Variants in GRXCR1 observed in about 807,000 individuals in gnomAD.
GRXCR1 encodes glutaredoxin and cysteine rich domain containing 1.
In GRXCR1, 27 loss-of-function variants were observed where a neutral mutation model predicts 27.3. That is an observed-to-expected ratio of 0.99 (90% CI 0.73 to 1.37). The LOEUF (loss-of-function observed/expected upper bound fraction) is 1.37, where lower values mean the gene tolerates loss of function less well. GRXCR1 is among the 40% of genes most tolerant of loss of function. The probability of loss-of-function intolerance (pLI) is 0.00; values close to 1 mark genes in which losing one functional copy is unlikely to be tolerated. For synonymous variants in GRXCR1, 122 were observed against 131.1 expected, an observed-to-expected ratio of 0.93 and a Z score of 0.47; for missense variants, 379 against 354.4, an observed-to-expected ratio of 1.07 and a Z score of -0.56.
At chr4:43,008,600 A>G (rs1712638395) in intron 2 of GRXCR1, among the ~76,000 whole-genome samples, 2 of 152,230 alleles carry the variant, frequency 1.3e-5, no homozygotes, top group South Asian at 2.1e-4. Flanking sequence ...TTAAGCATTT[A>G]CTATGTTTTA....
At chr4:42,895,658 G>A (rs1746331221) in intron 1 of GRXCR1, among the ~76,000 whole-genome samples, 1 of 151,996 alleles carries the variant, frequency 6.6e-6, no homozygotes. Flanking sequence ...CCTTAAAGTT[G>A]TGCAATACAC....
At chr4:42,944,563 T>C (rs1268085282) in intron 1 of GRXCR1, among the ~76,000 whole-genome samples, 1 of 152,112 alleles carries the variant, frequency 6.6e-6, no homozygotes, top group Non-Finnish European at 1.5e-5. Flanking sequence ...GGCATGGATA[T>C]GTAGGTACGT....
chr4:42,948,086 A>G (rs1747789434), intron 1 of GRXCR1, among the ~76,000 whole-genome samples: 1 of 152,296 alleles, frequency 6.6e-6, no homozygotes, highest in East Asian at 1.9e-4. Context: ...AAAATTATCT[A>G]GATTCCTTTG....
intron 1 of GRXCR1, among the ~76,000 whole-genome samples, chr4:42,937,800 A>G (rs1026619194): frequency 1.3e-5 from 2 of 152,020 alleles, no homozygotes; most frequent in African/African-American, 4.8e-5. Flanking sequence ...TTATGGATAC[A>G]TAGTAGGTAT....
chr4:42,981,045 A>G (rs1748653223), intron 2 of GRXCR1, among the ~76,000 whole-genome samples: 2 of 151,752 alleles, frequency 1.3e-5, no homozygotes, highest in Non-Finnish European at 2.9e-5. Context: ...TTGATAGATA[A>G]TACTACTGCC....
chr4:42,987,268 AT>A lies in GRXCR1; in HGVS notation c.627+24135del, dbSNP rs1345222734. Among the ~76,000 whole-genome samples the A allele has an allele frequency of 1.0e-4, 8 of 77,816 alleles. No homozygotes were observed. In the South Asian group the frequency reaches 1.2e-3, roughly 11 times the overall value. 51.1% of individuals were successfully genotyped at this position (77,816 alleles called of 152,430 possible). A position where few individuals can be genotyped will look rare whatever the true frequency, so the allele number is the denominator to read the frequency against. The stretch of plus-strand genomic sequence containing the variant: ...TATATAATATATATATATAATATAT[AT>A]ATATATATAGAGAGAGAGAGAGAGA... On this transcript the variant is annotated intron_variant, in intron 2 of 3. Coordinates refer to ENST00000399770, the MANE Select transcript of GRXCR1 (RefSeq NM_001080476.3).
chr4:42,916,191 G>GCAA lies in GRXCR1; in HGVS notation c.384+22543_384+22545dup, dbSNP rs1328531733. Among the ~76,000 whole-genome samples, 3 of 151,928 alleles carry GCAA rather than the reference G, an allele frequency of 2.0e-5. No individual in the cohort carries two copies. In the East Asian group the frequency reaches 5.8e-4, roughly 29 times the overall value. On this transcript the variant is annotated intron_variant, in intron 1 of 3. Coordinates refer to ENST00000399770, the MANE Select transcript of GRXCR1 (RefSeq NM_001080476.3). ...ATTTGGAACTCAAGAAATACTGGAT[G>GCAA]CAACTCAGGAAAACAGTAAAGGAAG...
chr4:42,952,885 C>T (rs570719458), intron 1 of GRXCR1, among the ~76,000 whole-genome samples: 1 of 152,158 alleles, frequency 6.6e-6, no homozygotes, highest in Admixed American at 6.6e-5. Context: ...CATAATTTGA[C>T]CTGCTCCTAT....
At chr4:42,963,443 T>A (rs953093270) in intron 2 of GRXCR1, among the ~76,000 whole-genome samples, 1 of 152,104 alleles carries the variant, frequency 6.6e-6, no homozygotes, top group South Asian at 2.1e-4. Context: ...AAGACTGTAT[T>A]TTTAGTGTAG....
intron 1 of GRXCR1, among the ~76,000 whole-genome samples, chr4:42,932,657 GA>G (rs1560654421): frequency 6.8e-4 from 88 of 129,896 alleles, no homozygotes; most frequent in African/African-American, 1.1e-3. Context: ...GAGAGAGAGA[GA>G]GAGAGAGGCA....
chr4:42,989,859 AT>A (rs557796495), intron 2 of GRXCR1, among the ~76,000 whole-genome samples: 1 of 152,034 alleles, frequency 6.6e-6, no homozygotes, highest in African/African-American at 2.4e-5. Context: ...CTCTCAAGTA[AT>A]TTTTTTCTGC....
At chr4:43,018,812 TAC>T (rs1479983479) in intron 2 of GRXCR1, among the ~76,000 whole-genome samples, 1 of 152,240 alleles carries the variant, frequency 6.6e-6, no homozygotes, top group Non-Finnish European at 1.5e-5. Context: ...CAGTTATTAC[TAC>T]ATTTAGGCTT....
intron 1 of GRXCR1, among the ~76,000 whole-genome samples, chr4:42,924,188 A>G (rs1003947442): frequency 4.1e-4 from 63 of 152,252 alleles, no homozygotes; most frequent in African/African-American, 1.5e-3. Context: ...GGGTCTTACA[A>G]TTCACTTTCA....
At chr4:42,917,418 A>G (rs766581867) in intron 1 of GRXCR1, among the ~76,000 whole-genome samples, 3 of 152,172 alleles carry the variant, frequency 2.0e-5, no homozygotes, top group Non-Finnish European at 4.4e-5. Flanking sequence ...CTGCAGAGTA[A>G]TTAATCCCAA....
At chr4:42,928,827 C>T (rs1747233079) in intron 1 of GRXCR1, among the ~76,000 whole-genome samples, 1 of 151,922 alleles carries the variant, frequency 6.6e-6, no homozygotes, top group Non-Finnish European at 1.5e-5. Flanking sequence ...ATAATTAGAG[C>T]AGAACATTAC....
chr4:42,940,898 T>C (rs1303594369), intron 1 of GRXCR1, among the ~76,000 whole-genome samples: 1 of 152,084 alleles, frequency 6.6e-6, no homozygotes, highest in Non-Finnish European at 1.5e-5. Context: ...TGTTGCCATA[T>C]AAAATATTTT....
At chr4:43,030,322 A>G (rs777426826) in intron 3 of GRXCR1, 39 bp from the exon 4 acceptor site, 71 of 1,593,302 alleles carry the variant, frequency 4.5e-5, no homozygotes, top group Non-Finnish European at 5.6e-5. Context: ...ATGCTAACAC[A>G]TCCTCTGTTT....
intron 1 of GRXCR1, among the ~76,000 whole-genome samples, chr4:42,898,629 A>C (rs915887772): frequency 6.6e-6 from 1 of 152,120 alleles, no homozygotes. Flanking sequence ...TACTTATTGA[A>C]TATTAGACAC....
intron 1 of GRXCR1, among the ~76,000 whole-genome samples, chr4:42,943,912 C>A (rs1207833845): frequency 6.6e-6 from 1 of 151,994 alleles, no homozygotes; most frequent in Non-Finnish European, 1.5e-5. Flanking sequence ...AGGACAGCAC[C>A]TCTTCCCTCC....
Sources: gnomAD v4.1 joint callset for allele counts (sites outside exome capture counted in the v4.1 genomes callset) on GRCh38, gnomAD v4.1.1 for gene constraint, MANE v1.5 for transcripts, NCBI Gene and HGNC (gene_info 2026-07-23, HGNC 2026-07-21) for gene names.